Variants in KRT38 observed in about 807,000 individuals in gnomAD.
The protein encoded by KRT38 is keratin, type I cuticular Ha8.
A neutral mutation model predicts 43.1 loss-of-function variants in KRT38; 45 were observed. That is an observed-to-expected ratio of 1.04 (90% CI 0.82 to 1.34). KRT38 has a LOEUF of 1.34. KRT38 is among the 40% of genes most tolerant of loss of function. The pLI, the probability that KRT38 is intolerant of heterozygous loss-of-function variation, is 0.00. For missense variants in KRT38, 627 were observed against 586.2 expected, an observed-to-expected ratio of 1.07 and a Z score of -0.72; for synonymous variants, 258 against 244.0, an observed-to-expected ratio of 1.06 and a Z score of -0.53.
intron 6 of KRT38, among the ~76,000 whole-genome samples, chr17:41,437,791 A>G (rs1461786718): frequency 6.6e-6 from 1 of 152,236 alleles, no homozygotes; most frequent in Non-Finnish European, 1.5e-5. Flanking sequence ...AAGAAAACCA[A>G]GTCCAAAAAT....
chr17:41,439,440 C>T, intron 2 of KRT38, 81 bp from the exon 3 acceptor site: 2 of 1,490,146 alleles, frequency 1.3e-6, no homozygotes, highest in Non-Finnish European at 1.8e-6. Context: ...ACCTCCCACA[C>T]CACCTTGGAT....
At position 41,437,375 on chromosome 17, in the gene KRT38, C is replaced by T; in HGVS notation, c.*37G>A. 5.3e-6 allele frequency: 8 copies of T among 1,503,468 alleles called. No individual in the cohort carries two copies. The highest frequency in any genetic ancestry group is 7.1e-6 in the Non-Finnish European group (8 of 1,132,208). 93.1% of individuals were successfully genotyped at this position (1,503,468 alleles called of 1,614,324 possible). A position where few individuals can be genotyped will look rare whatever the true frequency, so the allele number is the denominator to read the frequency against. Reference sequence around the variant, plus strand: ...ATAACAAGCATCTCTCTTTGGGTATCCCTCGCCTTAGCCAGCCCCTGTGGG... The same window carrying T: ...ATAACAAGCATCTCTCTTTGGGTATTCCTCGCCTTAGCCAGCCCCTGTGGG... On this transcript the variant is annotated 3_prime_UTR_variant, in exon 7 of 7. Transcript: ENST00000246646.
In KRT38 at chr17:41,437,276, A is replaced by C; in HGVS notation, c.*136T>G. On this transcript the variant is annotated 3_prime_UTR_variant, in exon 7 of 7. Transcript: ENST00000246646. ...AAGGAAGGATTTCCATCAAGATTCCACTGTCCCTGGTATCTCATAGCCTTT... is the reference window on the plus strand; with the variant it reads ...AAGGAAGGATTTCCATCAAGATTCCCCTGTCCCTGGTATCTCATAGCCTTT... 1.1e-6 allele frequency: 1 copy of C among 880,748 alleles called. No individual in the cohort carries two copies. Among genetic ancestry groups the C allele is most frequent in the East Asian group, 3.3e-5 (1 of 30,142 alleles). The allele number at this position is 880,748 out of a possible 1,614,324, so 54.6% of individuals were successfully genotyped here. A position where few individuals can be genotyped will look rare whatever the true frequency, so the allele number is the denominator to read the frequency against.
At position 41,437,473 on chromosome 17, in the gene KRT38, C is replaced by T. The variant is rs764819105; in HGVS notation, c.1310G>A (p.Cys437Tyr). ...GGGCCCACAGGTGGTGCAGGGGCCACAGCTTGGGCGAGGAGCACAGGGGGC... is the reference window on the plus strand; with the variant it reads ...GGGCCCACAGGTGGTGCAGGGGCCATAGCTTGGGCGAGGAGCACAGGGGGC... ...VTAPCAPRPS[C>Y]GPCTTCGPTC... Residue 437 changes from cysteine (C) to tyrosine (Y), a missense_variant, in exon 7 of 7, where the codon TGT (cysteine) becomes TAT (tyrosine). Transcript: ENST00000246646. 5 of 1,556,430 alleles carry T rather than the reference C, an allele frequency of 3.2e-6. No individual in the cohort carries two copies. The highest frequency in any genetic ancestry group is 4.3e-6 in the Non-Finnish European group (5 of 1,159,630).
intron 3 of KRT38, 66 bp downstream of exon 3, chr17:41,439,137 C>T (rs2018766506): frequency 1.6e-5 from 25 of 1,545,454 alleles, no homozygotes; most frequent in Non-Finnish European, 2.2e-5. Context: ...TCTGAGAGCC[C>T]GGGGCTGGGG....
intron 2 of KRT38, 85 bp from the exon 3 acceptor site, chr17:41,439,444 C>A: frequency 1.3e-5 from 19 of 1,463,590 alleles, no homozygotes; most frequent in Non-Finnish European, 1.8e-5. Flanking sequence ...CCCACACCAC[C>A]TTGGATCCTC....
At position 41,440,676 on chromosome 17, in the gene KRT38, G is replaced by A. The variant is rs770284316; in HGVS notation, c.246C>T (p.Thr82=). 1 of 1,614,232 alleles carries A rather than the reference G, an allele frequency of 6.2e-7. No homozygotes were observed. Among genetic ancestry groups the A allele is most frequent in the Non-Finnish European group, 8.5e-7 (1 of 1,180,046 alleles). The change falls in exon 1 of 7, where the codon ACC becomes ACT. Residue 82 remains threonine (T), a synonymous_variant. Transcript: ENST00000246646. ...TCHTACPLPG[T]CHIPGNIGIC... Reference sequence around the variant, plus strand: ...TTCCAATGTTGCCAGGAATGTGGCAGGTCCCTGGCAAGGGACAAGCAGTGT... The same window carrying A: ...TTCCAATGTTGCCAGGAATGTGGCAAGTCCCTGGCAAGGGACAAGCAGTGT...
In KRT38 at chr17:41,440,963, G is replaced by A; in HGVS notation, c.-42C>T. The A allele has an allele frequency of 6.6e-7, 1 of 1,512,232 alleles. No homozygotes were observed. The highest frequency in any genetic ancestry group is 1.4e-5 in the South Asian group (1 of 74,052). The allele number at this position is 1,512,232 out of a possible 1,614,324, so 93.7% of individuals were successfully genotyped here. On this transcript the variant is annotated 5_prime_UTR_variant, in exon 1 of 7. Transcript: ENST00000246646. ...TGCACAGGAGCTTCAGATCAGCTGGGAAAGCTGAACCACTGAGACTGAAGC... is the reference window on the plus strand; with the variant it reads ...TGCACAGGAGCTTCAGATCAGCTGGAAAAGCTGAACCACTGAGACTGAAGC...
At position 41,440,769 on chromosome 17, in the gene KRT38, A is replaced by G. The variant is rs570504021; in HGVS notation, c.153T>C (p.His51=). The G allele has an allele frequency of 1.7e-5, 28 of 1,613,464 alleles. No homozygotes were observed. Among genetic ancestry groups the G allele is most frequent in the East Asian group, 4.5e-5 (2 of 44,888 alleles). ...TGGACCCCACACGGACTCGGTTGGC[A>G]TGTGCCACGTTGGCCAAAAGGCACA... ...APMCLLANVA[H]ANRVRVGSTP... The change falls in exon 1 of 7, where the codon CAT becomes CAC. Residue 51 remains histidine, a synonymous_variant. Transcript: ENST00000246646.
Position 41,438,259 on chromosome 17 carries a change from G to A in KRT38, c.1075C>T (p.Leu359=). 1 of 1,614,212 alleles carries A rather than the reference G, an allele frequency of 6.2e-7. No homozygotes were observed. ...CEAEDRFGTE[L]AQMQSLISNV... The stretch of plus-strand genomic sequence containing the variant: ...CTGATGAGGCTCTGCATCTGGGCCA[G>A]CTCCGTGCCGAAGCGGTCCTCGGCT... The change falls in exon 6 of 7, where the codon CTG becomes TTG. Residue 359 remains leucine, a synonymous_variant. Transcript: ENST00000246646.
At position 41,436,410 on chromosome 17, in the gene KRT38, G is replaced by T. The variant is rs2018726918; in HGVS notation, c.*1002C>A. ...TTTCCGCTGACCTGAACATTTATAA[G>T]GAGGGGGAAGAGCACCCCAGAGAGA... On this transcript the variant is annotated 3_prime_UTR_variant, in exon 7 of 7. Coordinates refer to ENST00000246646, the MANE Select transcript of KRT38 (RefSeq NM_006771.4). The T allele has an allele frequency of 6.6e-6, 1 of 152,226 alleles. No homozygotes were observed. The highest frequency in any genetic ancestry group is 2.1e-4 in the South Asian group (1 of 4,822). 9.4% of individuals were successfully genotyped at this position (152,226 alleles called of 1,614,324 possible).
At chr17:41,438,039 C>T (rs1180565995) in intron 6 of KRT38, 54 bp downstream of exon 6, 1 of 1,563,062 alleles carries the variant, frequency 6.4e-7, no homozygotes, top group African/African-American at 1.4e-5. Flanking sequence ...GCCCTGAGGA[C>T]CTCATCAGAA....
chr17:41,438,686 C>CA lies in KRT38; in HGVS notation c.894+10_894+11insT. The CA allele has an allele frequency of 6.2e-7, 1 of 1,613,606 alleles. No homozygotes were observed. The highest frequency in any genetic ancestry group is 8.5e-7 in the Non-Finnish European group (1 of 1,179,720). On this transcript the variant is annotated intron_variant, in intron 4 of 6. Coordinates refer to ENST00000246646, the MANE Select transcript of KRT38 (RefSeq NM_006771.4). ...CCAGGTACCCCCTGGTTCTATACCC[C>CA]CCCCACTCACCTGGGCTTGGAACCA...
At position 41,439,266 on chromosome 17, in the gene KRT38, G is replaced by C. The variant is rs746302671; in HGVS notation, c.669C>G (p.Asp223Glu). Reference sequence around the variant, plus strand: ...TCAGGGACTCCTGCTGGGCCTCCAGGTCGGCCTTGGCCAGGGTCGCATCAT... The same window carrying C: ...TCAGGGACTCCTGCTGGGCCTCCAGCTCGGCCTTGGCCAGGGTCGCATCAT... ...LLDDATLAKA[D>E]LEAQQESLKE... The change falls in exon 3 of 7, where the codon GAC (aspartate) becomes GAG (glutamate). Residue 223 changes from aspartate (D) to glutamate (E), a missense_variant. Physicochemically the swap from Asp to Glu is conservative, Grantham distance 45. Coordinates refer to ENST00000246646, the MANE Select transcript of KRT38 (RefSeq NM_006771.4). The C allele has an allele frequency of 3.1e-6, 5 of 1,614,080 alleles. No individual in the cohort carries two copies. In the East Asian group the frequency reaches 1.1e-4, roughly 36 times the overall value.
intron 2 of KRT38, among the ~76,000 whole-genome samples, chr17:41,439,791 T>G (rs1307049108): frequency 6.6e-6 from 1 of 152,154 alleles, no homozygotes; most frequent in Non-Finnish European, 1.5e-5. Context: ...TTATACCTGG[T>G]ACCTTAGGGC....
Position 41,437,393 on chromosome 17 carries a change from C to A in KRT38, c.*19G>T, listed in dbSNP as rs372908459. 8 of 1,534,804 alleles carry A rather than the reference C, an allele frequency of 5.2e-6. No homozygotes were observed. Among genetic ancestry groups the A allele is most frequent in the Non-Finnish European group, 7.0e-6 (8 of 1,147,452 alleles). ...TGGGTATCCCTCGCCTTAGCCAGCCCCTGTGGGTCCACAGGAATTCAGAAT... is the reference window on the plus strand; with the variant it reads ...TGGGTATCCCTCGCCTTAGCCAGCCACTGTGGGTCCACAGGAATTCAGAAT... On this transcript the variant is annotated 3_prime_UTR_variant, in exon 7 of 7. Transcript: ENST00000246646.
intron 6 of KRT38, 136 bp downstream of exon 6, chr17:41,437,957 A>G (rs2018745055): frequency 1.2e-6 from 1 of 812,446 alleles, no homozygotes; most frequent in Non-Finnish European, 2.0e-6. Context: ...TGGAGTGTGC[A>G]GGACAGGGCA....
Position 41,439,116 on chromosome 17 carries a change from C to G in KRT38, c.732+87G>C, listed in dbSNP as rs1412769786. On this transcript the variant is annotated intron_variant, in intron 3 of 6. Coordinates refer to ENST00000246646, the MANE Select transcript of KRT38 (RefSeq NM_006771.4). The stretch of plus-strand genomic sequence containing the variant: ...CCCTGCATCCTGATGCCAGCTGAGG[C>G]CAGGCAATGCTCTGAGAGCCCGGGG... The G allele has an allele frequency of 2.0e-6, 3 of 1,484,914 alleles. No individual in the cohort carries two copies. The African/African-American group carries it at 4.2e-5, about 21-fold the overall frequency. The allele number at this position is 1,484,914 out of a possible 1,614,324, so 92.0% of individuals were successfully genotyped here.
At position 41,437,475 on chromosome 17, in the gene KRT38, G is replaced by A. The variant is rs1282350769; in HGVS notation, c.1308C>T (p.Ser436=). Residue 436 remains serine, a synonymous_variant, in exon 7 of 7, where the codon AGC becomes AGT. Transcript: ENST00000246646. The part of the protein sequence containing the change: ...CVTAPCAPRP[S]CGPCTTCGPT... Reference sequence around the variant, plus strand: ...GCCCACAGGTGGTGCAGGGGCCACAGCTTGGGCGAGGAGCACAGGGGGCAG... The same window carrying A: ...GCCCACAGGTGGTGCAGGGGCCACAACTTGGGCGAGGAGCACAGGGGGCAG... 2 of 1,557,164 alleles carry A rather than the reference G, an allele frequency of 1.3e-6. No individual in the cohort carries two copies. The highest frequency in any genetic ancestry group is 1.2e-5 in the South Asian group (1 of 83,254).
Sources: gnomAD v4.1 joint callset for allele counts (sites outside exome capture counted in the v4.1 genomes callset) on GRCh38, gnomAD v4.1.1 for gene constraint, MANE v1.5 for transcripts, NCBI Gene and HGNC (gene_info 2026-07-23, HGNC 2026-07-21) for gene names.